The following ENPP6 variants were observed in gnomAD, a reference collection of about 807,000 sequenced individuals.
ENPP6 encodes the protein ectonucleotide pyrophosphatase/phosphodiesterase 6, also known as glycerophosphocholine cholinephosphodiesterase ENPP6.
Under a neutral mutation model 42.0 loss-of-function variants are expected in ENPP6, and 32 were observed. The observed-to-expected ratio is 0.76, with a 90% CI of 0.58 to 1.02. The LOEUF (loss-of-function observed/expected upper bound fraction) is 1.02, where lower values mean the gene tolerates loss of function less well. Among genes scored for constraint, ENPP6 ranks in the 50% least tolerant of loss-of-function variants. The pLI is 0.00. For missense variants in ENPP6, 552 were observed against 566.8 expected (o/e 0.97, Z 0.27); for synonymous variants, 213 against 216.0 (o/e 0.99, Z 0.12).
chr4:184,151,006 C>A (rs749316943), intron 2 of ENPP6, among the ~76,000 whole-genome samples: 1 of 152,168 alleles, frequency 6.6e-6, no homozygotes, highest in Non-Finnish European at 1.5e-5. Context: ...TTTCAGATTT[C>A]TTTAGACACT....
chr4:184,214,644 T>C (rs2111127697), intron 1 of ENPP6, among the ~76,000 whole-genome samples: 1 of 152,340 alleles, frequency 6.6e-6, no homozygotes, highest in Admixed American at 6.5e-5. Context: ...TGGAATACTA[T>C]GCAGCCATAA....
chr4:184,166,122 C>T (rs1411006119), intron 1 of ENPP6, among the ~76,000 whole-genome samples: 1 of 152,130 alleles, frequency 6.6e-6, no homozygotes, highest in Non-Finnish European at 1.5e-5. Context: ...CAAAGACACA[C>T]TTTGGATGTT....
chr4:184,095,126 G>A (rs764156359), intron 7 of ENPP6, among the ~76,000 whole-genome samples: 15 of 152,194 alleles, frequency 9.9e-5, no homozygotes. Flanking sequence ...TGGTTTGCGG[G>A]AGGCTCTCCA....
intron 2 of ENPP6, among the ~76,000 whole-genome samples, chr4:184,130,827 T>C (rs931401596): frequency 1.3e-5 from 2 of 152,144 alleles, no homozygotes; most frequent in African/African-American, 2.4e-5. Context: ...CCAAAACTTA[T>C]TTTGTAGTGT....
At chr4:184,151,672 C>T (rs1255934445) in intron 2 of ENPP6, among the ~76,000 whole-genome samples, 2 of 152,116 alleles carry the variant, frequency 1.3e-5, no homozygotes, top group African/African-American at 4.8e-5. Flanking sequence ...TCCGGGTGGT[C>T]CCTAATGCAG....
At chr4:184,115,749 C>T (rs1461153272) in intron 5 of ENPP6, among the ~76,000 whole-genome samples, 1 of 152,168 alleles carries the variant, frequency 6.6e-6, no homozygotes, top group Non-Finnish European at 1.5e-5. Flanking sequence ...TGGCTCCTGA[C>T]ATAAGGAGCT....
At chr4:184,208,988 C>A (rs946030694) in intron 1 of ENPP6, among the ~76,000 whole-genome samples, 1 of 142,774 alleles carries the variant, frequency 7.0e-6, no homozygotes, top group Non-Finnish European at 1.5e-5. Context: ...TGACACCTCA[C>A]ACGGCAGGGT....
intron 2 of ENPP6, among the ~76,000 whole-genome samples, chr4:184,131,822 CACATATAT>C (rs1736640995): frequency 7.1e-6 from 1 of 141,002 alleles, no homozygotes; most frequent in Non-Finnish European, 1.5e-5. Flanking sequence ...CACACACACA[CACATATAT>C]ATATATATAA....
chr4:184,133,783 G>A (rs1319188624), intron 2 of ENPP6, among the ~76,000 whole-genome samples: 1 of 151,466 alleles, frequency 6.6e-6, no homozygotes, highest in Non-Finnish European at 1.5e-5. Flanking sequence ...ATCTAGTTTA[G>A]GATTGTATCA....
intron 1 of ENPP6, among the ~76,000 whole-genome samples, chr4:184,162,579 G>A (rs116882694): frequency 1.2e-4 from 17 of 138,578 alleles, no homozygotes; most frequent in Middle Eastern, 7.5e-3. Flanking sequence ...AAGGAAGAAA[G>A]GAAGGAAGAG....
chr4:184,208,900 G>C (rs1010282809), intron 1 of ENPP6, among the ~76,000 whole-genome samples: 5 of 144,234 alleles, frequency 3.5e-5, no homozygotes, highest in African/African-American at 1.0e-4. Context: ...AGAACGGGCA[G>C]ACTGCCTCCT....
intron 2 of ENPP6, among the ~76,000 whole-genome samples, chr4:184,139,417 A>T (rs2111366647): frequency 6.7e-6 from 1 of 150,356 alleles, no homozygotes; most frequent in East Asian, 2.0e-4. Context: ...CAGGTTAGTT[A>T]CATATGTATA....
chr4:184,122,811 C>T (rs1416337030), intron 3 of ENPP6, among the ~76,000 whole-genome samples: 1 of 152,192 alleles, frequency 6.6e-6, no homozygotes, highest in African/African-American at 2.4e-5. Flanking sequence ...ACAGCCATGG[C>T]CTGTGGGGAT....
intron 2 of ENPP6, among the ~76,000 whole-genome samples, chr4:184,125,219 C>T (rs564669473): frequency 6.6e-6 from 1 of 152,128 alleles, no homozygotes; most frequent in Admixed American, 6.5e-5. Flanking sequence ...TCAGGCATCA[C>T]TTCCTCCTGA....
chr4:184,099,062 C>T (rs544193787), intron 6 of ENPP6, among the ~76,000 whole-genome samples: 1 of 152,190 alleles, frequency 6.6e-6, no homozygotes, highest in Admixed American at 6.5e-5. Context: ...ATACCATTTG[C>T]CCCATTTTGT....
intron 1 of ENPP6, among the ~76,000 whole-genome samples, chr4:184,179,940 C>T (rs1368873202): frequency 7.1e-6 from 1 of 139,868 alleles, no homozygotes. Context: ...AAGTTAACAA[C>T]CTAACATCAC....
intron 2 of ENPP6, among the ~76,000 whole-genome samples, chr4:184,131,153 C>T (rs1435803483): frequency 2.1e-5 from 1 of 48,564 alleles, no homozygotes; most frequent in East Asian, 4.6e-4. Context: ...TTCTTTCTTT[C>T]TTTCTTTCTT....
chr4:184,102,869 G>A (rs1003242344), intron 6 of ENPP6, among the ~76,000 whole-genome samples: 2 of 152,264 alleles, frequency 1.3e-5, no homozygotes, highest in Non-Finnish European at 2.9e-5. Flanking sequence ...CAGGTCAGGA[G>A]GAGTTGAGGA....
chr4:184,131,014 G>A (rs1350711867), intron 2 of ENPP6, among the ~76,000 whole-genome samples: 1 of 152,156 alleles, frequency 6.6e-6, no homozygotes, highest in East Asian at 1.9e-4. Flanking sequence ...TCATAGGTAT[G>A]CATTTCTGTT....
Sources: allele counts gnomAD v4.1 joint callset (sites outside exome capture counted in the v4.1 genomes callset), GRCh38; gene constraint gnomAD v4.1.1; transcripts MANE v1.5; gene names NCBI Gene and HGNC (gene_info 2026-07-23, HGNC 2026-07-21).